The following LOC122539214 variants were observed in gnomAD, a reference collection of about 807,000 sequenced individuals.
At chr19:52,663,816 A>C in the LOC122539214 span, among the ~76,000 whole-genome samples, 1 of 152,244 alleles carries the variant, frequency 6.6e-6, no homozygotes, top group Non-Finnish European at 1.5e-5. Flanking sequence ...AAACACATAT[A>C]ATAGTTTGAA....
chr19:52,652,874 TG>T, the LOC122539214 span: 1 of 1,032,138 alleles, frequency 9.7e-7, no homozygotes, highest in East Asian at 2.7e-5. Flanking sequence ...CTGAAGGTCT[TG>T]CCACACTCAT....
the LOC122539214 span, among the ~76,000 whole-genome samples, chr19:52,669,103 G>C: frequency 6.6e-6 from 1 of 152,190 alleles, no homozygotes; most frequent in Non-Finnish European, 1.5e-5. Flanking sequence ...ATGCATAGTG[G>C]TATTATGGTG....
the LOC122539214 span, among the ~76,000 whole-genome samples, chr19:52,678,012 G>C: frequency 1.4e-5 from 2 of 147,108 alleles, no homozygotes; most frequent in Non-Finnish European, 3.0e-5. Context: ...TACAACCTGG[G>C]TGACAGAGTG....
At chr19:52,665,147 TG>T in the LOC122539214 span, among the ~76,000 whole-genome samples, 1 of 151,910 alleles carries the variant, frequency 6.6e-6, no homozygotes, top group Non-Finnish European at 1.5e-5. Flanking sequence ...TTCACTGGGG[TG>T]GGAGAGTCCA....
chr19:52,669,202 A>G, the LOC122539214 span, among the ~76,000 whole-genome samples: 1 of 152,178 alleles, frequency 6.6e-6, no homozygotes, highest in Non-Finnish European at 1.5e-5. Flanking sequence ...CATTTCATCA[A>G]CCAGAGAAAG....
the LOC122539214 span, among the ~76,000 whole-genome samples, chr19:52,664,858 C>G: frequency 6.6e-6 from 1 of 152,000 alleles, no homozygotes; most frequent in South Asian, 2.1e-4. Flanking sequence ...TTTCTGTTTT[C>G]CAGGTTTTGA....
chr19:52,666,737 C>G, the LOC122539214 span, among the ~76,000 whole-genome samples: 3 of 151,966 alleles, frequency 2.0e-5, no homozygotes, highest in East Asian at 5.8e-4. Flanking sequence ...ATTCCATTAA[C>G]CCAGCAGGTT....
chr19:52,676,153 G>T, the LOC122539214 span, among the ~76,000 whole-genome samples: 1 of 152,174 alleles, frequency 6.6e-6, no homozygotes, highest in East Asian at 1.9e-4. Flanking sequence ...ACTGGTTTTC[G>T]TATTTTTTTG....
At chr19:52,653,295 AC>A in the LOC122539214 span, 1 of 1,364,686 alleles carries the variant, frequency 7.3e-7, no homozygotes, top group Non-Finnish European at 1.0e-6. Flanking sequence ...TAAAAACCTT[AC>A]CACATTCATT....
At chr19:52,681,458 T>G in the LOC122539214 span, among the ~76,000 whole-genome samples, 1 of 152,168 alleles carries the variant, frequency 6.6e-6, no homozygotes. Context: ...AACTGAAAAC[T>G]GTTGTGATGA....
chr19:52,652,313 G>A, the LOC122539214 span: 5 of 256,146 alleles, frequency 2.0e-5, no homozygotes, highest in Non-Finnish European at 3.0e-5. Context: ...GAGCATGCTT[G>A]TAGTCCCAGC....
the LOC122539214 span, among the ~76,000 whole-genome samples, chr19:52,656,056 CA>C: frequency 4.6e-5 from 7 of 151,996 alleles, no homozygotes; most frequent in Non-Finnish European, 1.0e-4. Flanking sequence ...ACTGAAAACA[CA>C]AAAACATTAA....
At chr19:52,654,503 T>C in the LOC122539214 span, 1 of 502,178 alleles carries the variant, frequency 2.0e-6, no homozygotes, top group Non-Finnish European at 3.3e-6. Flanking sequence ...CAATACTTAT[T>C]TTAAAATTCC....
chr19:52,666,618 CAAAAAA>C, the LOC122539214 span, among the ~76,000 whole-genome samples: 257 of 105,788 alleles, frequency 2.4e-3, 1 homozygote, highest in Non-Finnish European at 3.7e-3. Flanking sequence ...TATCCTAAGT[CAAAAAA>C]AAAAAAAAAA....
the LOC122539214 span, chr19:52,652,695 A>T: frequency 8.0e-6 from 5 of 625,330 alleles, no homozygotes; most frequent in African/African-American, 1.8e-5. Flanking sequence ...TTGTAGCATT[A>T]CTGAGGACTT....
the LOC122539214 span, among the ~76,000 whole-genome samples, chr19:52,666,236 T>C: frequency 7.7e-6 from 1 of 129,146 alleles, no homozygotes; most frequent in Non-Finnish European, 1.7e-5. Flanking sequence ...AAAAAGGGAG[T>C]CAAAGAGAGA....
the LOC122539214 span, among the ~76,000 whole-genome samples, chr19:52,670,788 G>T: frequency 2.0e-5 from 3 of 152,234 alleles, no homozygotes; most frequent in Admixed American, 2.0e-4. Context: ...AGAAAGGTGG[G>T]ACAACTCAAA....
the LOC122539214 span, among the ~76,000 whole-genome samples, chr19:52,682,063 G>C: frequency 6.6e-6 from 1 of 152,028 alleles, no homozygotes; most frequent in East Asian, 1.9e-4. Flanking sequence ...GGCCAGGCTG[G>C]TATTGAATTC....
At chr19:52,686,597 G>A in the LOC122539214 span, among the ~76,000 whole-genome samples, 1 of 151,614 alleles carries the variant, frequency 6.6e-6, no homozygotes, top group Non-Finnish European at 1.5e-5. Context: ...TTTCTGAGAT[G>A]GAGACTCGCT....
Sources: gnomAD v4.1 joint callset for allele counts (sites outside exome capture counted in the v4.1 genomes callset) on GRCh38, gnomAD v4.1.1 for gene constraint, MANE v1.5 for transcripts.